The following COL4A2 variants were observed in gnomAD, a reference collection of about 807,000 sequenced individuals.
COL4A2 encodes collagen type IV alpha 2 chain, also known as collagen alpha-2(IV) chain.
In COL4A2, 99 loss-of-function variants were observed where a neutral mutation model predicts 200.2. The observed-to-expected ratio is 0.49, with a 90% CI of 0.42 to 0.58. COL4A2 has a LOEUF of 0.58. Among genes scored for constraint, COL4A2 ranks in the 20% least tolerant of loss-of-function variants. The pLI is 0.00. For synonymous variants in COL4A2, 897 were observed against 900.6 expected (o/e 1.00, Z 0.07); for missense variants, 1,950 against 2,314.1 (o/e 0.84, Z 3.23).
chr13:110,407,077 G>T (rs1018802119), intron 4 of COL4A2, among the ~76,000 whole-genome samples: 1 of 152,190 alleles, frequency 6.6e-6, no homozygotes, highest in Non-Finnish European at 1.5e-5. Context: ...CCATGGTGCT[G>T]GGAATCTCTG....
intron 19 of COL4A2, 31 bp from the exon 20 acceptor site, chr13:110,450,274 C>CA: frequency 1.9e-6 from 3 of 1,600,394 alleles, no homozygotes; most frequent in Non-Finnish European, 2.6e-6. Context: ...ATGGGAGACT[C>CA]ACGCTGCAGG....
chr13:110,348,263 C>T (rs1217795628), intron 3 of COL4A2, among the ~76,000 whole-genome samples: 1 of 152,236 alleles, frequency 6.6e-6, no homozygotes, highest in African/African-American at 2.4e-5. Flanking sequence ...ATTTCACCAT[C>T]TTGAGCTGGT....
At chr13:110,364,190 A>G (rs567060156) in intron 4 of COL4A2, among the ~76,000 whole-genome samples, 7 of 152,364 alleles carry the variant, frequency 4.6e-5, no homozygotes. Flanking sequence ...TTAGTCAGAA[A>G]TAGCAAAAAC....
intron 3 of COL4A2, among the ~76,000 whole-genome samples, chr13:110,327,399 G>C (rs1050238227): frequency 6.6e-6 from 1 of 152,166 alleles, no homozygotes; most frequent in Admixed American, 6.5e-5. Context: ...GACCACATTT[G>C]ATTCCATCCA....
intron 15 of COL4A2, among the ~76,000 whole-genome samples, chr13:110,439,579 C>T (rs916053571): frequency 1.3e-5 from 2 of 150,050 alleles, no homozygotes; most frequent in African/African-American, 5.0e-5. Context: ...ATCCCCACCT[C>T]CCCACAACTT....
chr13:110,394,693 T>C (rs1482933504), intron 4 of COL4A2, among the ~76,000 whole-genome samples: 1 of 152,234 alleles, frequency 6.6e-6, no homozygotes, highest in East Asian at 1.9e-4. Flanking sequence ...TTTCCCACAC[T>C]GCTGCTGGAG....
intron 3 of COL4A2, among the ~76,000 whole-genome samples, chr13:110,354,867 T>C (rs1877122822): frequency 6.6e-6 from 1 of 152,202 alleles, no homozygotes; most frequent in South Asian, 2.1e-4. Flanking sequence ...TGCCCTGGAC[T>C]ATCTGGAAGA....
intron 6 of COL4A2, 101 bp downstream of exon 6, chr13:110,425,098 T>A (rs1880423367): frequency 1.4e-6 from 2 of 1,441,934 alleles, no homozygotes; most frequent in African/African-American, 1.4e-5. Context: ...TCCTTTTTTG[T>A]TTATGACATA....
chr13:110,446,178 G>A (rs1004916342), intron 17 of COL4A2, among the ~76,000 whole-genome samples: 6 of 152,144 alleles, frequency 3.9e-5, no homozygotes, highest in East Asian at 3.9e-4. Flanking sequence ...AAGAGGGTGC[G>A]GTGCCCCTGG....
intron 3 of COL4A2, among the ~76,000 whole-genome samples, chr13:110,327,147 G>C (rs933253423): frequency 6.6e-6 from 1 of 152,088 alleles, no homozygotes; most frequent in Admixed American, 6.5e-5. Flanking sequence ...ACTCTAAGGT[G>C]CTAACCCAGG....
intron 4 of COL4A2, among the ~76,000 whole-genome samples, chr13:110,365,254 G>T (rs2139396143): frequency 1.3e-5 from 2 of 152,102 alleles, no homozygotes; most frequent in South Asian, 4.2e-4. Context: ...TCATTCTCCT[G>T]CCTCAGCCTC....
chr13:110,337,540 G>A (rs73620944), intron 3 of COL4A2, among the ~76,000 whole-genome samples: 185 of 152,378 alleles, frequency 1.2e-3, no homozygotes, highest in African/African-American at 4.1e-3. Flanking sequence ...CGGATGTACT[G>A]GTGGCAGGCT....
chr13:110,507,098 G>A (rs546412492), intron 46 of COL4A2, among the ~76,000 whole-genome samples: 1 of 152,340 alleles, frequency 6.6e-6, no homozygotes, highest in Admixed American at 6.5e-5. Context: ...TACAGAAAAT[G>A]CAATACACAC....
At chr13:110,383,630 T>C (rs1342083983) in intron 4 of COL4A2, among the ~76,000 whole-genome samples, 1 of 144,584 alleles carries the variant, frequency 6.9e-6, no homozygotes, top group Non-Finnish European at 1.5e-5. Flanking sequence ...TTTTTTTTTT[T>C]TTTCTGAGAC....
intron 4 of COL4A2, among the ~76,000 whole-genome samples, chr13:110,410,891 T>G (rs1358241653): frequency 6.6e-6 from 1 of 152,172 alleles, no homozygotes; most frequent in Non-Finnish European, 1.5e-5. Context: ...TCTTCCTTCT[T>G]GACTGCACGG....
intron 6 of COL4A2, among the ~76,000 whole-genome samples, chr13:110,425,508 G>A (rs1335986570): frequency 3.3e-5 from 5 of 152,182 alleles, no homozygotes; most frequent in South Asian, 4.2e-4. Flanking sequence ...TTTACTTCTC[G>A]TGGCATAAAA....
intron 11 of COL4A2, among the ~76,000 whole-genome samples, chr13:110,433,370 A>G (rs1880755179): frequency 6.6e-6 from 1 of 152,238 alleles, no homozygotes; most frequent in South Asian, 2.1e-4. Context: ...TGCTGCGGCA[A>G]ACATCAACAG....
intron 10 of COL4A2, among the ~76,000 whole-genome samples, chr13:110,431,415 TC>T (rs760273724): frequency 7.2e-5 from 11 of 152,218 alleles, no homozygotes; most frequent in Middle Eastern, 3.4e-3. Flanking sequence ...TACTCATAAT[TC>T]TCTTCAGATT....
At chr13:110,308,168 T>C (rs1244613161) in intron 3 of COL4A2, 45 bp downstream of exon 3, 13 of 1,609,000 alleles carry the variant, frequency 8.1e-6, no homozygotes, top group East Asian at 2.2e-5. Flanking sequence ...CCGAGAGTGG[T>C]TGGGACGTTT....
Sources: allele counts gnomAD v4.1 joint callset (sites outside exome capture counted in the v4.1 genomes callset), GRCh38; gene constraint gnomAD v4.1.1; transcripts MANE v1.5; gene names NCBI Gene and HGNC (gene_info 2026-07-23, HGNC 2026-07-21).